KLHDC1: variants seen among roughly 807,000 people sequenced by gnomAD.
KLHDC1 encodes kelch domain-containing protein 1.
KLHDC1 carries 53 observed loss-of-function variants against 68.3 expected under a neutral mutation model. The observed-to-expected ratio is 0.78, with a 90% CI of 0.62 to 0.98. KLHDC1 has a LOEUF of 0.98. Ranked by LOEUF, KLHDC1 falls within the 50% of genes least tolerant of loss-of-function variation. KLHDC1 has a pLI of 0.00. For synonymous variants in KLHDC1, 148 were observed against 159.0 expected (o/e 0.93, Z 0.52); for missense variants, 470 against 492.3 (o/e 0.95, Z 0.43).
At chr14:49,723,346 A>T (rs1888583498) in intron 4 of KLHDC1, among the ~76,000 whole-genome samples, 2 of 151,848 alleles carry the variant, frequency 1.3e-5, no homozygotes, top group Admixed American at 1.3e-4. Flanking sequence ...CAGCTTGGGC[A>T]ATATGGTGAA....
At chr14:49,725,523 G>A (rs886846165) in intron 5 of KLHDC1, 163 bp from the exon 6 acceptor site, 9 of 523,540 alleles carry the variant, frequency 1.7e-5, no homozygotes, top group East Asian at 6.6e-5. Flanking sequence ...TGGGGACCAC[G>A]CTTTGGGAGG....
At chr14:49,741,747 C>T (rs1191612963) in intron 11 of KLHDC1, among the ~76,000 whole-genome samples, 1 of 152,142 alleles carries the variant, frequency 6.6e-6, no homozygotes, top group East Asian at 1.9e-4. Context: ...ATGGTTCTTT[C>T]ACTCCTAGCA....
chr14:49,713,872 A>T (rs1888297654), intron 4 of KLHDC1, among the ~76,000 whole-genome samples: 1 of 50,898 alleles, frequency 2.0e-5, no homozygotes, highest in African/African-American at 6.2e-5. Context: ...TTTTTTCCTG[A>T]GACAGAGTCT....
At chr14:49,715,754 AAAAAAAAAAAAAT>A (rs1444917916) in intron 4 of KLHDC1, among the ~76,000 whole-genome samples, 2 of 140,352 alleles carry the variant, frequency 1.4e-5, no homozygotes, top group African/African-American at 5.3e-5. Flanking sequence ...AAAAAAAAAA[AAAAAAAAAAAAAT>A]ATATATATAT....
chr14:49,750,062 GA>G (rs913913699), intron 12 of KLHDC1, among the ~76,000 whole-genome samples: 7 of 150,748 alleles, frequency 4.6e-5, no homozygotes, highest in Admixed American at 6.6e-5. Context: ...TCCATCTCAG[GA>G]AAAAAAAATT....
intron 8 of KLHDC1, among the ~76,000 whole-genome samples, chr14:49,731,888 C>T (rs567511127): frequency 2.0e-4 from 31 of 151,950 alleles, no homozygotes; most frequent in East Asian, 1.9e-3. Flanking sequence ...AGAGGTTTAC[C>T]CTGTATCTGG....
At chr14:49,720,516 C>A (rs1307589427) in intron 4 of KLHDC1, among the ~76,000 whole-genome samples, 2 of 151,554 alleles carry the variant, frequency 1.3e-5, no homozygotes, top group Non-Finnish European at 2.9e-5. Flanking sequence ...ATATTTTTGC[C>A]CTTAAATAAT....
chr14:49,722,071 A>T (rs1283653033), intron 4 of KLHDC1, among the ~76,000 whole-genome samples: 1 of 152,104 alleles, frequency 6.6e-6, no homozygotes, highest in African/African-American at 2.4e-5. Context: ...CTCCCTGAAG[A>T]TTATGCGAAA....
chr14:49,706,085 C>G (rs1382518504), intron 1 of KLHDC1, among the ~76,000 whole-genome samples: 2 of 152,118 alleles, frequency 1.3e-5, no homozygotes, highest in Non-Finnish European at 2.9e-5. Flanking sequence ...CTTATTCTTT[C>G]TAACTATTTT....
At chr14:49,693,503 C>A (rs1004091793) in intron 1 of KLHDC1, among the ~76,000 whole-genome samples, 1 of 151,774 alleles carries the variant, frequency 6.6e-6, no homozygotes, top group East Asian at 1.9e-4. Context: ...AAGCCTCAGA[C>A]CCGGCTCCGG....
intron 1 of KLHDC1, among the ~76,000 whole-genome samples, chr14:49,700,868 G>A (rs1887885277): frequency 6.6e-6 from 1 of 151,908 alleles, no homozygotes; most frequent in South Asian, 2.1e-4. Flanking sequence ...ATCACCTGAG[G>A]TCAGGAGTTC....
intron 1 of KLHDC1, among the ~76,000 whole-genome samples, chr14:49,705,147 A>G (rs1888014464): frequency 6.6e-6 from 1 of 152,154 alleles, no homozygotes; most frequent in Non-Finnish European, 1.5e-5. Context: ...AAGAGAGAAA[A>G]GAGAATAGAT....
rs1888654500 is a variant in KLHDC1 at position 49,725,695 on chromosome 14, A to ATT, written c.494_495insTT (p.Phe166TyrfsTer57). On this transcript the variant is annotated frameshift_variant, in exon 6 of 13. Transcript: ENST00000359332. LOFTEE classifies it high-confidence loss of function. The stretch of plus-strand genomic sequence containing the variant: ...AACATTTCTCTTTTAGGAAGAGCAG[A>ATT]TATTCTGGGGATGGCATAATGATGT... The ATT allele has an allele frequency of 7.2e-7, 1 of 1,384,586 alleles. No homozygotes were observed. Among genetic ancestry groups the ATT allele is most frequent in the Non-Finnish European group, 9.5e-7 (1 of 1,052,326 alleles). 85.8% of individuals were successfully genotyped at this position (1,384,586 alleles called of 1,614,324 possible).
Position 49,728,984 on chromosome 14 carries a change from GT to G in KLHDC1, c.628del (p.Tyr210IlefsTer12), listed in dbSNP as rs1197982456. On this transcript the variant is annotated frameshift_variant, in exon 7 of 13. Coordinates refer to ENST00000359332, the MANE Select transcript of KLHDC1 (RefSeq NM_172193.3). LOFTEE classifies it high-confidence loss of function. ...ACATGTGCAGTTCTTGGAAATAAGG[GT>G]TATATCTTTGGCGGACGTGTTCTGG... ...AHTCAVLGNK[G>X]YIFGGRVLQT... The G allele has an allele frequency of 9.3e-6, 15 of 1,613,398 alleles. No individual in the cohort carries two copies. The highest frequency in any genetic ancestry group is 1.3e-5 in the Non-Finnish European group (15 of 1,179,458).
At chr14:49,729,829 A>ATGGGGTC (rs1888759751) in intron 8 of KLHDC1, among the ~76,000 whole-genome samples, 2 of 152,210 alleles carry the variant, frequency 1.3e-5, no homozygotes. Flanking sequence ...AAGTGGTTGA[A>ATGGGGTC]TGGGGTCATC....
intron 1 of KLHDC1, among the ~76,000 whole-genome samples, chr14:49,700,857 G>A (rs925865125): frequency 6.6e-6 from 1 of 152,160 alleles, no homozygotes; most frequent in African/African-American, 2.4e-5. Flanking sequence ...AAGGCAGGCG[G>A]ATCACCTGAG....
At chr14:49,742,130 C>T (rs1425610036) in intron 11 of KLHDC1, among the ~76,000 whole-genome samples, 1 of 152,200 alleles carries the variant, frequency 6.6e-6, no homozygotes, top group East Asian at 1.9e-4. Context: ...TACAACTTCG[C>T]ATTTATTAAA....
chr14:49,715,693 T>A (rs1301766132), intron 4 of KLHDC1, among the ~76,000 whole-genome samples: 18 of 139,350 alleles, frequency 1.3e-4, no homozygotes, highest in African/African-American at 4.9e-4. Flanking sequence ...TGCAGTGATC[T>A]GAGGTTGTGC....
chr14:49,711,198 G>A (rs1888190244), intron 4 of KLHDC1, among the ~76,000 whole-genome samples: 1 of 151,252 alleles, frequency 6.6e-6, no homozygotes, highest in African/African-American at 2.4e-5. Flanking sequence ...TTATTTGTTT[G>A]TTTATTTATT....
Sources: allele counts gnomAD v4.1 joint callset (sites outside exome capture counted in the v4.1 genomes callset), GRCh38; gene constraint gnomAD v4.1.1; transcripts MANE v1.5; gene names NCBI Gene and HGNC (gene_info 2026-07-23, HGNC 2026-07-21).